Variants in FMO2 observed in about 807,000 individuals in gnomAD.
FMO2 encodes flavin containing dimethylaniline monoxygenase 2, also known as flavin-containing monooxygenase 2.
A neutral mutation model predicts 41.6 loss-of-function variants in FMO2; 33 were observed. The observed-to-expected ratio is 0.79, with a 90% confidence interval of 0.60 to 1.06. FMO2 has a LOEUF of 1.06. Ranked by LOEUF, FMO2 falls within the 50% of genes least tolerant of loss-of-function variation. The probability of loss-of-function intolerance (pLI) is 0.00; values close to 1 mark genes in which losing one functional copy is unlikely to be tolerated. For missense variants in FMO2, 619 were observed against 632.9 expected (o/e 0.98, Z 0.23); for synonymous variants, 214 against 219.6 (o/e 0.97, Z 0.23).
chr1:171,190,186 T>C (rs1452976593), intron 2 of FMO2, among the ~76,000 whole-genome samples: 4 of 152,200 alleles, frequency 2.6e-5, no homozygotes, highest in Non-Finnish European at 5.9e-5. Context: ...TATAATCTTC[T>C]TTAAACTTAC....
At chr1:171,187,493 C>T (rs1657898060) in intron 2 of FMO2, among the ~76,000 whole-genome samples, 1 of 151,944 alleles carries the variant, frequency 6.6e-6, no homozygotes, top group African/African-American at 2.4e-5. Context: ...TGACCATAAA[C>T]CACACCTGGA....
rs572386835 is a variant in FMO2, at chr1:171,188,128, G to T, written c.132+2283G>T. Among the ~76,000 whole-genome samples, 3 of 146,162 alleles carry T rather than the reference G, an allele frequency of 2.1e-5. No homozygotes were observed. The Middle Eastern group carries it at 0.011, about 526-fold the overall frequency. ...TGGTCCTTGGTATATGCAGGAGATTGGCTCCACAACCTCCCTCCCCCAGTA... is the reference window on the plus strand; with the variant it reads ...TGGTCCTTGGTATATGCAGGAGATTTGCTCCACAACCTCCCTCCCCCAGTA... On this transcript the variant is annotated intron_variant, in intron 2 of 8. Transcript: ENST00000209929.
At chr1:171,203,054 A>G (rs867949701) in intron 5 of FMO2, among the ~76,000 whole-genome samples, 5 of 152,142 alleles carry the variant, frequency 3.3e-5, no homozygotes, top group Non-Finnish European at 1.5e-5. Context: ...TTAACTTTTA[A>G]AATACATTAC....
At chr1:171,208,755 A>G (rs1275531515) in intron 8 of FMO2, 39 bp from the exon 9 acceptor site, 1 of 1,601,990 alleles carries the variant, frequency 6.2e-7, no homozygotes, top group Non-Finnish European at 8.5e-7. Flanking sequence ...AAAACTTAGA[A>G]CATTCTGTGA....
intron 2 of FMO2, chr1:171,186,274 C>CTGAGCTT (rs1657845504): frequency 6.5e-6 from 1 of 154,406 alleles, no homozygotes; most frequent in Non-Finnish European, 1.4e-5. Context: ...TGTTTGTTTA[C>CTGAGCTT]TGAGCTTTAT....
At chr1:171,193,653 G>T (rs1658179775) in intron 3 of FMO2, 130 bp downstream of exon 3, 3 of 658,204 alleles carry the variant, frequency 4.6e-6, no homozygotes, top group African/African-American at 3.7e-5. Context: ...AAATATAACA[G>T]CCTCATATAA....
At chr1:171,198,214 C>A (rs28369865) in intron 4 of FMO2, among the ~76,000 whole-genome samples, 2 of 151,886 alleles carry the variant, frequency 1.3e-5, no homozygotes, top group African/African-American at 4.8e-5. Context: ...ACAGAAGAAG[C>A]TTGTCTGTGA....
At chr1:171,206,893 AG>A (rs1159437081) in intron 7 of FMO2, among the ~76,000 whole-genome samples, 1 of 152,218 alleles carries the variant, frequency 6.6e-6, no homozygotes, top group Non-Finnish European at 1.5e-5. Context: ...GAAATCATTA[AG>A]GGAAAAATCA....
chr1:171,205,648 C>T lies in FMO2; in HGVS notation c.1183+14C>T. On this transcript the variant is annotated intron_variant, in intron 7 of 8. Transcript: ENST00000209929. ...GAGTTTTCAAAGGTAAGTGTGTAGGCAGGTGAGTGGCTAAGCGTTTCAGAT... is the reference window on the plus strand; with the variant it reads ...GAGTTTTCAAAGGTAAGTGTGTAGGTAGGTGAGTGGCTAAGCGTTTCAGAT... 6.5e-7 allele frequency: 1 copy of T among 1,527,528 alleles called. No homozygotes were observed. The highest frequency in any genetic ancestry group is 1.4e-5 in the African/African-American group (1 of 72,452). The allele number at this position is 1,527,528 out of a possible 1,614,324, so 94.6% of individuals were successfully genotyped here.
At chr1:171,191,778 C>G (rs988739858) in intron 2 of FMO2, among the ~76,000 whole-genome samples, 1 of 144,350 alleles carries the variant, frequency 6.9e-6, no homozygotes, top group Non-Finnish European at 1.5e-5. Flanking sequence ...AATCCCAGCA[C>G]TTTAGGGTGT....
At chr1:171,185,466 A>G in intron 1 of FMO2, 107 bp downstream of exon 1, 1 of 371,606 alleles carries the variant, frequency 2.7e-6, no homozygotes, top group Non-Finnish European at 5.0e-6. Context: ...GGCTTTGTTC[A>G]ATGGGTCGCT....
chr1:171,194,516 G>T (rs546772131), intron 3 of FMO2, among the ~76,000 whole-genome samples: 1 of 152,290 alleles, frequency 6.6e-6, no homozygotes, highest in African/African-American at 2.4e-5. Flanking sequence ...CCAGCACTTT[G>T]GGAGGCTGAG....
rs28369884 is a variant in FMO2 at position 171,201,769 on chromosome 1, G to T, written c.628-2096G>T. Among the ~76,000 whole-genome samples the T allele has an allele frequency of 8.4e-3, 1,280 of 152,264 alleles. 6 individuals carry two copies. The highest frequency in any genetic ancestry group is 0.013 in the Non-Finnish European group (896 of 68,014). On this transcript the variant is annotated intron_variant, in intron 5 of 8. Transcript: ENST00000209929. ...TTTGGCATGGCTGGGGAAGCCTCAG[G>T]AAACTAACAATCATGACGGAATGCA...
At chr1:171,191,807 T>C (rs2101984304) in intron 2 of FMO2, among the ~76,000 whole-genome samples, 1 of 148,360 alleles carries the variant, frequency 6.7e-6, no homozygotes, top group Admixed American at 6.8e-5. Context: ...GTGGATTGCT[T>C]GAGCTCAGGA....
chr1:171,186,800 C>T (rs2101974675), intron 2 of FMO2, among the ~76,000 whole-genome samples: 2 of 152,254 alleles, frequency 1.3e-5, no homozygotes, highest in Middle Eastern at 6.8e-3. Flanking sequence ...TATTCCTTCC[C>T]ACAACCTCTC....
In FMO2 at chr1:171,205,393, G is replaced by T; in HGVS notation, c.942G>T (p.Glu314Asp). ...KELTETSAIF[E>D]DGTVEENIDV... Reference sequence around the variant, plus strand: ...TCACAGAAACTTCTGCCATCTTTGAGGATGGAACAGTGGAGGAGAACATTG... The same window carrying T: ...TCACAGAAACTTCTGCCATCTTTGATGATGGAACAGTGGAGGAGAACATTG... The change falls in exon 7 of 9, where the codon GAG (glutamate) becomes GAT (aspartate). Residue 314 changes from glutamate (E) to aspartate (D), a missense_variant. Transcript: ENST00000209929. 1 of 1,613,672 alleles carries T rather than the reference G, an allele frequency of 6.2e-7. No homozygotes were observed. The highest frequency in any genetic ancestry group is 8.5e-7 in the Non-Finnish European group (1 of 1,179,678).
chr1:171,198,798 G>A (rs1401203666), intron 4 of FMO2, among the ~76,000 whole-genome samples: 1 of 152,120 alleles, frequency 6.6e-6, no homozygotes, highest in Non-Finnish European at 1.5e-5. Flanking sequence ...TGGTCCTGCT[G>A]TGTTCATCAC....
chr1:171,196,847 G>C (rs1032007020), intron 4 of FMO2, 36 bp downstream of exon 4: 10 of 1,592,744 alleles, frequency 6.3e-6, no homozygotes, highest in Non-Finnish European at 8.6e-6. Flanking sequence ...TTTTGGAGTA[G>C]GTTTCCAGGT....
At chr1:171,204,300 G>C (rs547230923) in intron 6 of FMO2, among the ~76,000 whole-genome samples, 7 of 152,224 alleles carry the variant, frequency 4.6e-5, no homozygotes, top group African/African-American at 1.4e-4. Flanking sequence ...AAAACTAGGG[G>C]AGAACTTTCT....
Sources: gnomAD v4.1 joint callset for allele counts (sites outside exome capture counted in the v4.1 genomes callset) on GRCh38, gnomAD v4.1.1 for gene constraint, MANE v1.5 for transcripts, NCBI Gene and HGNC (gene_info 2026-07-23, HGNC 2026-07-21) for gene names.